Variants in SLC8A1 observed in about 807,000 individuals in gnomAD.
The protein encoded by SLC8A1 is sodium/calcium exchanger 1.
A neutral mutation model predicts 68.3 loss-of-function variants in SLC8A1; 18 were observed. The observed-to-expected ratio is 0.26, with a 90% CI of 0.18 to 0.39. The LOEUF (loss-of-function observed/expected upper bound fraction) is 0.39, where lower values mean the gene tolerates loss of function less well. Ranked by LOEUF, SLC8A1 falls within the 10% of genes least tolerant of loss-of-function variation. SLC8A1 has a pLI of 1.00. For synonymous variants in SLC8A1, 475 were observed against 415.5 expected, an observed-to-expected ratio of 1.14 and a Z score of -1.74; for missense variants, 985 against 1,156.7, an observed-to-expected ratio of 0.85 and a Z score of 2.15.
At chr2:40,143,835 G>C (rs190910844) in intron 6 of SLC8A1, among the ~76,000 whole-genome samples, 2 of 152,258 alleles carry the variant, frequency 1.3e-5, no homozygotes, top group East Asian at 3.9e-4. Flanking sequence ...CTTGAATTCA[G>C]GGAGAGCTCT....
intron 2 of SLC8A1, among the ~76,000 whole-genome samples, chr2:40,294,798 G>T (rs1353432850): frequency 6.6e-6 from 1 of 152,004 alleles, no homozygotes; most frequent in African/African-American, 2.4e-5. Flanking sequence ...AACTAAAAAG[G>T]TATAGCGCTT....
At chr2:40,380,341 A>T (rs1481939202) in intron 2 of SLC8A1, among the ~76,000 whole-genome samples, 1 of 152,160 alleles carries the variant, frequency 6.6e-6, no homozygotes, top group East Asian at 1.9e-4. Context: ...TAATAAATCA[A>T]TCCTAAGAAT....
chr2:40,400,831 T>C (rs1300132364), intron 2 of SLC8A1, among the ~76,000 whole-genome samples: 1 of 152,114 alleles, frequency 6.6e-6, no homozygotes, highest in Non-Finnish European at 1.5e-5. Flanking sequence ...GTCTGCCAAC[T>C]GGCATAGGGA....
intron 1 of SLC8A1, among the ~76,000 whole-genome samples, chr2:40,507,971 G>C (rs1300293279): frequency 6.6e-6 from 1 of 152,070 alleles, no homozygotes; most frequent in Non-Finnish European, 1.5e-5. Context: ...ATCTATATAA[G>C]TGAAGCAATA....
intron 2 of SLC8A1, among the ~76,000 whole-genome samples, chr2:40,375,185 C>G (rs1417159100): frequency 6.6e-6 from 1 of 152,036 alleles, no homozygotes; most frequent in Non-Finnish European, 1.5e-5. Flanking sequence ...TGAAGGAATG[C>G]TCAGTTAATT....
chr2:40,438,006 AC>A (rs35808260), intron 1 of SLC8A1, among the ~76,000 whole-genome samples: 7,511 of 152,170 alleles, frequency 0.049, 344 homozygotes, highest in East Asian at 0.24. Flanking sequence ...GACACTGAGC[AC>A]TGAAGTGGAC....
intron 2 of SLC8A1, among the ~76,000 whole-genome samples, chr2:40,248,836 G>C (rs1224609003): frequency 6.6e-6 from 1 of 152,106 alleles, no homozygotes; most frequent in Non-Finnish European, 1.5e-5. Context: ...TAGGGATTTA[G>C]GTTCGTTTCT....
exon 8 of SLC8A1, chr2:40,108,734 T>G (rs1248420087): frequency 6.6e-6 from 1 of 152,152 alleles, no homozygotes; most frequent in Non-Finnish European, 1.5e-5. Flanking sequence ...TAGGTGGAAT[T>G]ACGTCAAAAA....
At chr2:40,472,916 C>T (rs538406765) in intron 1 of SLC8A1, among the ~76,000 whole-genome samples, 12 of 152,232 alleles carry the variant, frequency 7.9e-5, no homozygotes, top group East Asian at 3.9e-4. Context: ...GCTTAGAATG[C>T]TCTCTAGAGA....
At chr2:40,343,725 C>T (rs1473176441) in intron 2 of SLC8A1, among the ~76,000 whole-genome samples, 2 of 151,992 alleles carry the variant, frequency 1.3e-5, no homozygotes, top group Non-Finnish European at 2.9e-5. Context: ...AAAAGATGTT[C>T]ATGACAGACT....
chr2:40,460,142 T>C (rs1703256766), intron 1 of SLC8A1, among the ~76,000 whole-genome samples: 1 of 152,320 alleles, frequency 6.6e-6, no homozygotes, highest in South Asian at 2.1e-4. Context: ...ATGAATGATA[T>C]CAGATTTGAA....
chr2:40,225,751 C>G (rs1048969630), intron 2 of SLC8A1, among the ~76,000 whole-genome samples: 4 of 152,086 alleles, frequency 2.6e-5, no homozygotes, highest in Admixed American at 6.6e-5. Context: ...GAGGTGAAAG[C>G]CCCTCCCAAA....
chr2:40,321,428 G>A (rs376148805), intron 2 of SLC8A1, among the ~76,000 whole-genome samples: 10 of 152,138 alleles, frequency 6.6e-5, no homozygotes, highest in South Asian at 4.2e-4. Context: ...AAACAGACCC[G>A]AAGGCTCTCA....
chr2:40,492,974 G>A (rs1409874184), intron 1 of SLC8A1, among the ~76,000 whole-genome samples: 7 of 152,018 alleles, frequency 4.6e-5, no homozygotes, highest in Non-Finnish European at 7.4e-5. Context: ...ATACCATTTG[G>A]TCCAGCCATC....
chr2:40,490,173 T>A (rs1055611136), intron 1 of SLC8A1, among the ~76,000 whole-genome samples: 1 of 152,110 alleles, frequency 6.6e-6, no homozygotes, highest in African/African-American at 2.4e-5. Flanking sequence ...TAAACATCAA[T>A]CATTTGGAAT....
chr2:40,262,331 G>C (rs932367243), intron 2 of SLC8A1, among the ~76,000 whole-genome samples: 1 of 152,184 alleles, frequency 6.6e-6, no homozygotes, highest in Non-Finnish European at 1.5e-5. Context: ...TGAGTAAGTA[G>C]TTTGTCTCTT....
chr2:40,182,775 A>C (rs1466507194), intron 2 of SLC8A1, among the ~76,000 whole-genome samples: 1 of 152,204 alleles, frequency 6.6e-6, no homozygotes, highest in African/African-American at 2.4e-5. Context: ...TCTCTTCAAA[A>C]TATATTTTAG....
intron 1 of SLC8A1, among the ~76,000 whole-genome samples, chr2:40,443,013 C>T (rs1355176961): frequency 6.9e-6 from 1 of 144,778 alleles, no homozygotes; most frequent in African/African-American, 2.5e-5. Flanking sequence ...AACAGAAAAC[C>T]AAACACCACA....
intron 2 of SLC8A1, among the ~76,000 whole-genome samples, chr2:40,331,531 T>G (rs1052552141): frequency 6.6e-6 from 1 of 152,086 alleles, no homozygotes; most frequent in Admixed American, 6.6e-5. Context: ...ATAGGATGAG[T>G]TTTGTACTAA....
Sources: gnomAD v4.1 joint callset for allele counts (sites outside exome capture counted in the v4.1 genomes callset) on GRCh38, gnomAD v4.1.1 for gene constraint, MANE v1.5 for transcripts, NCBI Gene and HGNC (gene_info 2026-07-23, HGNC 2026-07-21) for gene names.